Variants in DNM3 observed in about 807,000 individuals in gnomAD.
DNM3 encodes dynamin 3, also known as dynamin-3.
Under a neutral mutation model 101.6 loss-of-function variants are expected in DNM3, and 47 were observed. The ratio of observed to expected loss-of-function variants is 0.46; its 90% CI spans 0.37 to 0.59. The LOEUF (loss-of-function observed/expected upper bound fraction) is 0.59. Among genes scored for constraint, DNM3 ranks in the 20% least tolerant of loss-of-function variants. The pLI is 0.00. For synonymous variants in DNM3, 385 were observed against 387.9 expected (o/e 0.99, Z 0.09); for missense variants, 849 against 1,085.7 (o/e 0.78, Z 3.06).
chr1:172,221,018 AC>A (rs1573000736), intron 14 of DNM3, among the ~76,000 whole-genome samples: 2 of 152,172 alleles, frequency 1.3e-5, no homozygotes, highest in Non-Finnish European at 1.5e-5. Context: ...ACATCATGTT[AC>A]TTTTCATTCA....
chr1:172,102,012 C>A (rs923507098), intron 13 of DNM3, among the ~76,000 whole-genome samples: 1 of 152,074 alleles, frequency 6.6e-6, no homozygotes, highest in African/African-American at 2.4e-5. Context: ...ATGTGTGCCA[C>A]CACGCCTGGC....
intron 1 of DNM3, among the ~76,000 whole-genome samples, chr1:171,895,326 A>C (rs567403229): frequency 6.6e-6 from 1 of 152,160 alleles, no homozygotes; most frequent in Non-Finnish European, 1.5e-5. Context: ...AATGATTGCC[A>C]TTCTAACTGG....
chr1:171,858,899 G>A (rs1223654493), intron 1 of DNM3, among the ~76,000 whole-genome samples: 2 of 152,146 alleles, frequency 1.3e-5, no homozygotes, highest in African/African-American at 2.4e-5. Flanking sequence ...CACTGACTGA[G>A]TACAAGTTGT....
chr1:172,175,385 G>A (rs2059120260), intron 14 of DNM3, among the ~76,000 whole-genome samples: 1 of 151,594 alleles, frequency 6.6e-6, no homozygotes, highest in African/African-American at 2.4e-5. Flanking sequence ...CTCAAAACCT[G>A]TTAATATTGA....
At chr1:172,364,013 G>A (rs975442431) in intron 17 of DNM3, among the ~76,000 whole-genome samples, 6 of 151,840 alleles carry the variant, frequency 4.0e-5, no homozygotes, top group Non-Finnish European at 5.9e-5. Flanking sequence ...TACACTTAGA[G>A]GCTATACCAT....
At chr1:172,356,866 C>A (rs1425150866) in intron 17 of DNM3, among the ~76,000 whole-genome samples, 2 of 151,892 alleles carry the variant, frequency 1.3e-5, no homozygotes, top group Non-Finnish European at 1.5e-5. Context: ...AGAGAAAGTA[C>A]AAGATGAGCC....
intron 13 of DNM3, among the ~76,000 whole-genome samples, chr1:172,121,959 A>G (rs1445850255): frequency 3.3e-5 from 5 of 152,130 alleles, no homozygotes; most frequent in Non-Finnish European, 1.5e-5. Context: ...CCCATATACT[A>G]CTTCAGAATG....
chr1:172,410,020 C>T lies in DNM3; in HGVS notation c.*2179C>T. The T allele has an allele frequency of 1.0e-6, 1 of 985,662 alleles. No individual in the cohort carries two copies. The highest frequency in any genetic ancestry group is 1.2e-6 in the Non-Finnish European group (1 of 829,866). The allele number at this position is 985,662 out of a possible 1,614,324, so 61.1% of individuals were successfully genotyped here. On this transcript the variant is annotated 3_prime_UTR_variant, in exon 21 of 21. Transcript: ENST00000627582. The stretch of plus-strand genomic sequence containing the variant: ...TGGCATTTGTCATCTTTGGCACTTG[C>T]TTTTAGATTATAGTCCCACAGTTGC...
intron 13 of DNM3, among the ~76,000 whole-genome samples, chr1:172,111,698 G>A (rs2055492748): frequency 6.6e-6 from 1 of 152,170 alleles, no homozygotes; most frequent in African/African-American, 2.4e-5. Flanking sequence ...TTCAAAACAA[G>A]GTGATGTAAG....
intron 15 of DNM3, among the ~76,000 whole-genome samples, chr1:172,260,809 C>A (rs1388023252): frequency 6.6e-6 from 1 of 151,834 alleles, no homozygotes; most frequent in Non-Finnish European, 1.5e-5. Flanking sequence ...CAGATATGTA[C>A]AGTTGTTCAG....
intron 15 of DNM3, among the ~76,000 whole-genome samples, chr1:172,286,239 C>T (rs1281417433): frequency 6.6e-6 from 1 of 152,026 alleles, no homozygotes; most frequent in African/African-American, 2.4e-5. Flanking sequence ...GACCAATGGC[C>T]TCTCTCTCTA....
At chr1:172,288,129 A>T (rs2063769930) in intron 15 of DNM3, among the ~76,000 whole-genome samples, 1 of 152,208 alleles carries the variant, frequency 6.6e-6, no homozygotes, top group South Asian at 2.1e-4. Flanking sequence ...CCCTATTCTC[A>T]TGGAATTCAC....
intron 20 of DNM3, among the ~76,000 whole-genome samples, chr1:172,397,596 A>T (rs1043220460): frequency 1.3e-5 from 2 of 152,112 alleles, no homozygotes; most frequent in Admixed American, 6.5e-5. Flanking sequence ...ACTCTAAATT[A>T]CTCCATCACT....
chr1:171,923,677 A>C (rs2040349520), intron 2 of DNM3, among the ~76,000 whole-genome samples: 1 of 152,114 alleles, frequency 6.6e-6, no homozygotes, highest in Non-Finnish European at 1.5e-5. Flanking sequence ...AAAATTACTA[A>C]TTTTTAAATT....
At chr1:171,864,574 C>G (rs2034519695) in intron 1 of DNM3, 1 of 152,102 alleles carries the variant, frequency 6.6e-6, no homozygotes, top group Non-Finnish European at 1.5e-5. Context: ...GTGGAGGCCC[C>G]TGAGCTTAGA....
intron 15 of DNM3, among the ~76,000 whole-genome samples, chr1:172,298,420 G>T (rs1230445489): frequency 6.6e-6 from 1 of 152,158 alleles, no homozygotes; most frequent in Non-Finnish European, 1.5e-5. Flanking sequence ...GGAGCCTTCT[G>T]CATTAGAGTA....
At chr1:172,232,189 G>A (rs1161679311) in intron 14 of DNM3, among the ~76,000 whole-genome samples, 1 of 152,102 alleles carries the variant, frequency 6.6e-6, no homozygotes. Flanking sequence ...AAGGGATGGA[G>A]GAAGATCTAC....
chr1:172,220,933 G>A (rs529385706), intron 14 of DNM3, among the ~76,000 whole-genome samples: 1 of 152,216 alleles, frequency 6.6e-6, no homozygotes, highest in South Asian at 2.1e-4. Flanking sequence ...TTGTTAAGAA[G>A]TTGAAATATT....
At chr1:172,317,626 C>G (rs1368955264) in intron 16 of DNM3, among the ~76,000 whole-genome samples, 1 of 152,200 alleles carries the variant, frequency 6.6e-6, no homozygotes, top group Non-Finnish European at 1.5e-5. Flanking sequence ...TGCAAATAAA[C>G]TAGAAAATCT....
Sources: gnomAD v4.1 joint callset for allele counts (sites outside exome capture counted in the v4.1 genomes callset) on GRCh38, gnomAD v4.1.1 for gene constraint, MANE v1.5 for transcripts, NCBI Gene and HGNC (gene_info 2026-07-23, HGNC 2026-07-21) for gene names.